Variants in RGL1 observed in about 807,000 individuals in gnomAD.
The protein encoded by RGL1 is ral guanine nucleotide dissociation stimulator like 1.
Under a neutral mutation model 95.2 loss-of-function variants are expected in RGL1, and 24 were observed. The ratio of observed to expected loss-of-function variants is 0.25; its 90% confidence interval spans 0.18 to 0.35. RGL1 has a LOEUF of 0.35. Ranked by LOEUF, RGL1 falls within the 10% of genes least tolerant of loss-of-function variation. The pLI, the probability that RGL1 is intolerant of heterozygous loss-of-function variation, is 1.00. For synonymous variants in RGL1, 329 were observed against 344.9 expected (o/e 0.95, Z 0.51); for missense variants, 715 against 936.3 (o/e 0.76, Z 3.08).
At chr1:183,835,524 A>T (rs963294865) in intron 2 of RGL1, among the ~76,000 whole-genome samples, 1 of 152,232 alleles carries the variant, frequency 6.6e-6, no homozygotes, top group Non-Finnish European at 1.5e-5. Flanking sequence ...GGGTTAAGTC[A>T]TTCATCCATC....
intron 2 of RGL1, among the ~76,000 whole-genome samples, chr1:183,765,301 G>C (rs956625016): frequency 6.6e-6 from 1 of 152,132 alleles, no homozygotes; most frequent in African/African-American, 2.4e-5. Flanking sequence ...AAATATAAGA[G>C]AAAACAGATT....
rs56019394 is a variant in RGL1 at position 183,821,134 on chromosome 1, A to AAATAATAATAAT, written c.138+14663_138+14674dup. 1.4e-3 allele frequency among the ~76,000 whole-genome samples: 211 copies of AAATAATAATAAT among 150,660 alleles called. 2 individuals are homozygous for AAATAATAATAAT. In the East Asian group the frequency reaches 0.033, roughly 24 times the overall value. On this transcript the variant is annotated intron_variant, in intron 2 of 17. Coordinates refer to ENST00000360851, the MANE Select transcript of RGL1 (RefSeq NM_001297671.3). ...GGCGACAAGAGCGAAACTCCGTCTAAAATAATAATAATAATAATAATAATA... is the reference window on the plus strand; with the variant it reads ...GGCGACAAGAGCGAAACTCCGTCTAAAATAATAATAATAATAATAATAATAATAATAATAATA...
rs149694332 is a variant in RGL1, at chr1:183,814,382, C to T, written c.138+7897C>T. Among the ~76,000 whole-genome samples the T allele has an allele frequency of 3.4e-3, 514 of 152,140 alleles. 4 individuals carry two copies. Among genetic ancestry groups the T allele is most frequent in the African/African-American group, 0.012 (494 of 41,482 alleles). The stretch of plus-strand genomic sequence containing the variant: ...TGTGGCGTATGACTTCTGAGGATAA[C>T]AGTGGTGGTGGTTGGGGGTGGGGTG... On this transcript the variant is annotated intron_variant, in intron 2 of 17. Coordinates refer to ENST00000360851, the MANE Select transcript of RGL1 (RefSeq NM_001297671.3).
intron 2 of RGL1, among the ~76,000 whole-genome samples, chr1:183,791,578 T>C (rs1388295093): frequency 1.3e-5 from 2 of 152,238 alleles, no homozygotes; most frequent in Non-Finnish European, 2.9e-5. Flanking sequence ...AGACTTCCAA[T>C]TAACTTTGGT....
intron 2 of RGL1, among the ~76,000 whole-genome samples, chr1:183,840,183 GA>G (rs1663948276): frequency 6.6e-6 from 1 of 152,294 alleles, no homozygotes; most frequent in Admixed American, 6.5e-5. Flanking sequence ...AGGGTCTTAT[GA>G]TCTACTATCA....
chr1:183,657,870 A>T (rs1651296379), intron 1 of RGL1, among the ~76,000 whole-genome samples: 1 of 152,012 alleles, frequency 6.6e-6, no homozygotes, highest in African/African-American at 2.4e-5. Context: ...CGCCACACTG[A>T]CTTCCACAAT....
intron 1 of RGL1, among the ~76,000 whole-genome samples, chr1:183,688,276 T>C (rs1653737750): frequency 6.6e-6 from 1 of 152,202 alleles, no homozygotes; most frequent in Non-Finnish European, 1.5e-5. Context: ...CAGAGATTCA[T>C]GAAACAGCTC....
chr1:183,877,217 C>T (rs1162392340), intron 4 of RGL1, among the ~76,000 whole-genome samples: 31 of 152,092 alleles, frequency 2.0e-4, no homozygotes, highest in Admixed American at 2.0e-3. Context: ...AACAGACATA[C>T]CAGACCTGTA....
intron 2 of RGL1, among the ~76,000 whole-genome samples, chr1:183,798,105 G>C (rs1045879371): frequency 1.3e-5 from 2 of 152,200 alleles, no homozygotes; most frequent in African/African-American, 4.8e-5. Context: ...TAGGTAAGTA[G>C]AGGCAATTTG....
At chr1:183,640,918 A>T (rs1649880952) in intron 1 of RGL1, among the ~76,000 whole-genome samples, 1 of 152,208 alleles carries the variant, frequency 6.6e-6, no homozygotes, top group Non-Finnish European at 1.5e-5. Context: ...TGACTTTTAG[A>T]AATGACTGCT....
chr1:183,869,384 CCT>C (rs894343088), intron 4 of RGL1, among the ~76,000 whole-genome samples: 6 of 152,192 alleles, frequency 3.9e-5, no homozygotes, highest in African/African-American at 1.4e-4. Context: ...ACAGAACTCC[CCT>C]GAGGGGTCCA....
At chr1:183,915,537 G>T (rs1295295774) in intron 15 of RGL1, among the ~76,000 whole-genome samples, 2 of 152,162 alleles carry the variant, frequency 1.3e-5, no homozygotes, top group Non-Finnish European at 2.9e-5. Context: ...TATACAGTTG[G>T]CTCTACTAGC....
Position 183,705,163 on chromosome 1 carries a change from G to T in RGL1, c.-32-36963G>T, listed in dbSNP as rs571229576. ...GGTATAACGGTTTGGTGAGTAGAGTGAAGGAGGGAACTCAGAGCCTAAAAT... is the reference window on the plus strand; with the variant it reads ...GGTATAACGGTTTGGTGAGTAGAGTTAAGGAGGGAACTCAGAGCCTAAAAT... On this transcript the variant is annotated intron_variant, in intron 1 of 18. Transcript: ENST00000304685. Among the ~76,000 whole-genome samples, 3 of 152,248 alleles carry T rather than the reference G, an allele frequency of 2.0e-5. No homozygotes were observed. The South Asian group carries it at 6.2e-4, about 32-fold the overall frequency.
chr1:183,888,662 G>A (rs1572558010), intron 8 of RGL1, 85 bp downstream of exon 8: 7 of 796,096 alleles, frequency 8.8e-6, no homozygotes, highest in Admixed American at 2.0e-5. Flanking sequence ...AGCTTGTATC[G>A]CATAACTAGA....
chr1:183,789,931 T>A (rs571798176), intron 2 of RGL1, among the ~76,000 whole-genome samples: 115 of 148,832 alleles, frequency 7.7e-4, no homozygotes, highest in African/African-American at 2.8e-3. Context: ...CTTTTACTTA[T>A]TTTTTTTTTG....
At chr1:183,681,569 C>T (rs990984728) in intron 1 of RGL1, among the ~76,000 whole-genome samples, 12 of 152,174 alleles carry the variant, frequency 7.9e-5, no homozygotes, top group African/African-American at 2.9e-4. Flanking sequence ...CTGCTAGGTT[C>T]GGTTTGCCAG....
intron 2 of RGL1, among the ~76,000 whole-genome samples, chr1:183,773,339 G>GCA (rs1363988780): frequency 6.6e-6 from 1 of 152,122 alleles, no homozygotes; most frequent in African/African-American, 2.4e-5. Context: ...ACAAGGAACT[G>GCA]CACCTATCCT....
At chr1:183,654,400 C>T (rs1452591378) in intron 1 of RGL1, among the ~76,000 whole-genome samples, 1 of 152,192 alleles carries the variant, frequency 6.6e-6, no homozygotes, top group Non-Finnish European at 1.5e-5. Flanking sequence ...AACTGAAAGT[C>T]AATCCTCATA....
At chr1:183,642,638 T>C (rs1650004091) in intron 1 of RGL1, among the ~76,000 whole-genome samples, 1 of 152,246 alleles carries the variant, frequency 6.6e-6, no homozygotes, top group South Asian at 2.1e-4. Flanking sequence ...GTTTTTTAGA[T>C]ATTTCTGTGA....
Sources: allele counts gnomAD v4.1 joint callset (sites outside exome capture counted in the v4.1 genomes callset), GRCh38; gene constraint gnomAD v4.1.1; transcripts MANE v1.5; gene names NCBI Gene and HGNC (gene_info 2026-07-23, HGNC 2026-07-21).